Variants in PCDHGA2 observed in about 807,000 individuals in gnomAD.
The protein encoded by PCDHGA2 is protocadherin gamma subfamily A, 2.
A neutral mutation model predicts 59.2 loss-of-function variants in PCDHGA2; 40 were observed. That is an observed-to-expected ratio of 0.68 (90% CI 0.52 to 0.88). The LOEUF (loss-of-function observed/expected upper bound fraction) is 0.88. Ranked by LOEUF, PCDHGA2 falls within the 40% of genes least tolerant of loss-of-function variation. PCDHGA2 has a pLI of 0.00. For synonymous variants in PCDHGA2, 560 were observed against 526.0 expected (o/e 1.06, Z -0.89); for missense variants, 1,226 against 1,204.0 (o/e 1.02, Z -0.27).
intron 1 of PCDHGA2, chr5:141,346,047 C>A (rs1246037325): frequency 6.2e-7 from 1 of 1,613,516 alleles, no homozygotes; most frequent in African/African-American, 1.3e-5. Context: ...CCCCGACATC[C>A]TGGCCGACCT....
chr5:141,497,187 G>T (rs1475463841), intron 2 of PCDHGA2, among the ~76,000 whole-genome samples: 2 of 139,586 alleles, frequency 1.4e-5, no homozygotes, highest in Non-Finnish European at 3.0e-5. Flanking sequence ...GTTCTGAGAG[G>T]CAGAGAACAA....
At chr5:141,421,797 C>T in intron 1 of PCDHGA2, 1 of 1,613,744 alleles carries the variant, frequency 6.2e-7, no homozygotes, top group Non-Finnish European at 8.5e-7. Context: ...CGGATGGGGC[C>T]AAGAATCCAG....
rs549994671 is a variant in PCDHGA2 at position 141,339,901 on chromosome 5, G to A, written c.930G>A (p.Glu310=). 3.1e-6 allele frequency: 5 copies of A among 1,614,116 alleles called. No homozygotes were observed. The highest frequency in any genetic ancestry group is 4.5e-5 in the East Asian group (2 of 44,888). ...CAATCATAAAAGATCTAGATTATGA[G>A]GATGCTACATTCCATGAAATTGATA... ...ELTIIKDLDY[E]DATFHEIDIE... Residue 310 remains glutamate (E), a synonymous_variant, in exon 1 of 4, where the codon GAG becomes GAA. Coordinates refer to ENST00000394576, the MANE Select transcript of PCDHGA2 (RefSeq NM_018915.4).
chr5:141,434,727 A>C (rs1344107083), intron 1 of PCDHGA2, among the ~76,000 whole-genome samples: 1 of 152,052 alleles, frequency 6.6e-6, no homozygotes. Context: ...CAGGGCTCTC[A>C]GCTCTGAAGG....
At chr5:141,370,980 C>G (rs1197203581) in intron 1 of PCDHGA2, 8 of 1,613,868 alleles carry the variant, frequency 5.0e-6, no homozygotes, top group African/African-American at 1.3e-5. Context: ...AGAGCTAGTA[C>G]TGAAAGCACC....
At position 141,400,132 on chromosome 5, in the gene PCDHGA2, C is replaced by T. The variant is rs762060556; in HGVS notation, c.2424+58737C>T. 6.3e-5 allele frequency: 101 copies of T among 1,613,964 alleles called. No individual in the cohort carries two copies. The highest frequency in any genetic ancestry group is 8.4e-5 in the Non-Finnish European group (99 of 1,179,904). On this transcript the variant is annotated intron_variant, in intron 1 of 3. Coordinates refer to ENST00000394576, the MANE Select transcript of PCDHGA2 (RefSeq NM_018915.4). ...TGCTGACAGCTTGCAGGAGGTGCTG[C>T]CGGATATCACTGACCGCCCTGTACC...
At chr5:141,505,127 A>C (rs926566427) in intron 2 of PCDHGA2, among the ~76,000 whole-genome samples, 1 of 152,158 alleles carries the variant, frequency 6.6e-6, no homozygotes, top group Non-Finnish European at 1.5e-5. Context: ...GCGCCACTGC[A>C]CTCCAGCCTG....
Position 141,504,006 on chromosome 5 carries a change from G to C in PCDHGA2, c.2484-1387G>C, listed in dbSNP as rs138738950. Among the ~76,000 whole-genome samples, 1,431 of 152,182 alleles carry C rather than the reference G, an allele frequency of 9.4e-3. 31 individuals are homozygous for C. The highest frequency in any genetic ancestry group is 0.033 in the African/African-American group (1,367 of 41,490). On this transcript the variant is annotated intron_variant, in intron 2 of 3. Coordinates refer to ENST00000394576, the MANE Select transcript of PCDHGA2 (RefSeq NM_018915.4). The stretch of plus-strand genomic sequence containing the variant: ...CTTCTTACCTTACAGTCACTTAACT[G>C]TCTCTGCTGGTCTCTTCCCACTCAT...
chr5:141,426,276 C>A, intron 1 of PCDHGA2: 1 of 164,340 alleles, frequency 6.1e-6, no homozygotes, highest in South Asian at 1.6e-4. Context: ...TGCAGCAACG[C>A]ATGGGAAGGA....
chr5:141,366,977 A>G, intron 1 of PCDHGA2: 1 of 540,714 alleles, frequency 1.8e-6, no homozygotes, highest in Non-Finnish European at 3.1e-6. Context: ...AATACCTTAA[A>G]GGAAAGTGGT....
At chr5:141,399,041 T>A (rs375762745) in intron 1 of PCDHGA2, 150 of 1,613,746 alleles carry the variant, frequency 9.3e-5, no homozygotes, top group Non-Finnish European at 1.2e-4. Context: ...AAACTGGATT[T>A]TGAAGAGACC....
chr5:141,393,085 ATCGGGAGGAGC>A (rs2092673421), intron 1 of PCDHGA2: 1 of 1,613,542 alleles, frequency 6.2e-7, no homozygotes, highest in African/African-American at 1.3e-5. Flanking sequence ...GGCAGGATAG[ATCGGGAGGAGC>A]TCTGCGCTCA....
rs774649069 is a variant in PCDHGA2 at position 141,477,417 on chromosome 5, C to G, written c.2425-17390C>G. The G allele has an allele frequency of 1.2e-6, 2 of 1,614,172 alleles. No individual in the cohort carries two copies. The highest frequency in any genetic ancestry group is 2.7e-5 in the African/African-American group (2 of 75,032). On this transcript the variant is annotated intron_variant, in intron 1 of 3. Coordinates refer to ENST00000394576, the MANE Select transcript of PCDHGA2 (RefSeq NM_018915.4). The surrounding 1 kb of genome is among the most constrained non-coding windows in gnomAD (Gnocchi z 4.9). Reference sequence around the variant, plus strand: ...AGCATCACCGCCCGAGACGCCGGAACCCCTTCCCTCTCAGCCCTTACAATA... The same window carrying G: ...AGCATCACCGCCCGAGACGCCGGAAGCCCTTCCCTCTCAGCCCTTACAATA...
intron 1 of PCDHGA2, chr5:141,351,582 T>C: frequency 2.5e-6 from 4 of 1,614,014 alleles, no homozygotes; most frequent in Non-Finnish European, 3.4e-6. Flanking sequence ...ATCTCCGACA[T>C]CAACGACAAT....
chr5:141,359,031 G>A (rs1460907999), intron 1 of PCDHGA2, among the ~76,000 whole-genome samples: 1 of 152,244 alleles, frequency 6.6e-6, no homozygotes, highest in Non-Finnish European at 1.5e-5. Flanking sequence ...ACTGGAAGTT[G>A]TAGTGATAGA....
Position 141,432,083 on chromosome 5 carries a change from G to T in PCDHGA2, c.2425-62724G>T, listed in dbSNP as rs1221754474. On this transcript the variant is annotated intron_variant, in intron 1 of 3. Transcript: ENST00000394576. The surrounding 1 kb of genome is among the most constrained non-coding windows in gnomAD (Gnocchi z 6.0). ...CACGGAAACTCATATCTCGCTGAAC[G>T]TGGCAGACACCAACGACAACCCGCC... The T allele has an allele frequency of 1.9e-6, 3 of 1,614,040 alleles. No individual in the cohort carries two copies. The highest frequency in any genetic ancestry group is 2.7e-5 in the African/African-American group (2 of 74,910).
At chr5:141,413,488 C>G in intron 1 of PCDHGA2, 1 of 1,613,986 alleles carries the variant, frequency 6.2e-7, no homozygotes, top group Non-Finnish European at 8.5e-7. Context: ...TCAGAGCGCG[C>G]GGTGCGTGGT....
rs1220353816 is a variant in PCDHGA2, at chr5:141,396,426, C to T, written c.2424+55031C>T. Reference sequence around the variant, plus strand: ...CTGAGGTCAGGAGTTCAAGATCAGCCTGGCAAACATGGTGAAACCCCGTCT... The same window carrying T: ...CTGAGGTCAGGAGTTCAAGATCAGCTTGGCAAACATGGTGAAACCCCGTCT... On this transcript the variant is annotated intron_variant, in intron 1 of 3. Coordinates refer to ENST00000394576, the MANE Select transcript of PCDHGA2 (RefSeq NM_018915.4). The T allele has an allele frequency of 5.9e-5, 9 of 152,308 alleles. 1 individual carries two copies. The highest frequency in any genetic ancestry group is 2.2e-4 in the African/African-American group (9 of 41,552). 9.4% of individuals were successfully genotyped at this position (152,308 alleles called of 1,614,324 possible). A position where few individuals can be genotyped will look rare whatever the true frequency, so the allele number is the denominator to read the frequency against.
intron 1 of PCDHGA2, chr5:141,366,136 C>T: frequency 6.2e-7 from 1 of 1,614,204 alleles, no homozygotes; most frequent in South Asian, 1.1e-5. Flanking sequence ...GCCAGAACGC[C>T]TGGCTGTCCT....
Sources: gnomAD v4.1 joint callset for allele counts (sites outside exome capture counted in the v4.1 genomes callset) on GRCh38, gnomAD v4.1.1 for gene constraint, Gnocchi (gnomAD v3.1) non-coding constraint, MANE v1.5 for transcripts, NCBI Gene and HGNC (gene_info 2026-07-23, HGNC 2026-07-21) for gene names.